ATXN7L1: variants seen among roughly 807,000 people sequenced by gnomAD.
ATXN7L1 encodes the protein ataxin-7-like protein 1.
In ATXN7L1, 15 loss-of-function variants were observed where a neutral mutation model predicts 70.8. The ratio of observed to expected loss-of-function variants is 0.21; its 90% CI spans 0.14 to 0.33. ATXN7L1 has a LOEUF of 0.33. Ranked by LOEUF, ATXN7L1 falls within the 10% of genes least tolerant of loss-of-function variation. The probability of loss-of-function intolerance (pLI) is 1.00; values close to 1 mark genes in which losing one functional copy is unlikely to be tolerated. For missense variants in ATXN7L1, 975 were observed against 1,097.1 expected, an observed-to-expected ratio of 0.89 and a Z score of 1.57; for synonymous variants, 440 against 445.1, an observed-to-expected ratio of 0.99 and a Z score of 0.14.
intron 2 of ATXN7L1, among the ~76,000 whole-genome samples, chr7:105,866,390 T>C (rs1356925424): frequency 1.3e-5 from 2 of 152,166 alleles, no homozygotes; most frequent in Non-Finnish European, 2.9e-5. Flanking sequence ...GCAAGCAGAA[T>C]TGTGTTGAGA....
intron 2 of ATXN7L1, among the ~76,000 whole-genome samples, chr7:105,844,513 T>C (rs1813685819): frequency 6.6e-6 from 1 of 152,196 alleles, no homozygotes; most frequent in Non-Finnish European, 1.5e-5. Flanking sequence ...GAAAATGCAT[T>C]TGACAAATCC....
At chr7:105,859,784 T>G (rs1461056095) in intron 2 of ATXN7L1, among the ~76,000 whole-genome samples, 2 of 1,138 alleles carry the variant, frequency 1.8e-3, no homozygotes, top group South Asian at 0.024. Flanking sequence ...CTTTCTTTCT[T>G]TTTTTTTTTT....
chr7:105,618,533 C>G (rs141101877), intron 9 of ATXN7L1, among the ~76,000 whole-genome samples: 1 of 152,136 alleles, frequency 6.6e-6, no homozygotes, highest in Non-Finnish European at 1.5e-5. Context: ...GCTCTTTAGG[C>G]TTCCAGAAAG....
intron 3 of ATXN7L1, among the ~76,000 whole-genome samples, chr7:105,703,490 A>G (rs1261929803): frequency 6.6e-6 from 1 of 152,212 alleles, no homozygotes; most frequent in African/African-American, 2.4e-5. Flanking sequence ...TCTGTTATCC[A>G]TATTTGGTCC....
intron 3 of ATXN7L1, among the ~76,000 whole-genome samples, chr7:105,754,508 G>A (rs1480691766): frequency 6.6e-6 from 1 of 151,978 alleles, no homozygotes; most frequent in East Asian, 1.9e-4. Context: ...GTAGTACAGT[G>A]GTGAGCGTAG....
intron 3 of ATXN7L1, among the ~76,000 whole-genome samples, chr7:105,720,559 C>T (rs1375659084): frequency 2.0e-5 from 3 of 152,190 alleles, no homozygotes; most frequent in African/African-American, 7.2e-5. Flanking sequence ...GTTGGGACTA[C>T]AGGCATGTGC....
intron 2 of ATXN7L1, among the ~76,000 whole-genome samples, chr7:105,806,022 G>A (rs991359288): frequency 3.9e-5 from 6 of 152,268 alleles, no homozygotes; most frequent in African/African-American, 1.4e-4. Context: ...CAGGGTCTGG[G>A]GCTGCAGGGA....
intron 3 of ATXN7L1, among the ~76,000 whole-genome samples, chr7:105,692,149 CAG>C (rs1790963608): frequency 6.6e-6 from 1 of 151,448 alleles, no homozygotes; most frequent in Non-Finnish European, 1.5e-5. Context: ...GGGTAGTTTT[CAG>C]AGAGAACTGG....
In ATXN7L1 at chr7:105,752,696, G is replaced by A. The variant is rs563292908; in HGVS notation, c.355+35908C>T. Among the ~76,000 whole-genome samples the A allele has an allele frequency of 1.5e-4, 23 of 152,236 alleles. No individual in the cohort carries two copies. In the South Asian group the frequency reaches 3.9e-3, roughly 26 times the overall value. ...AGATAAATTCTACACTTTTTTCATC[G>A]CAAGAAGAGCATAAAAAGGTCTGGT... On this transcript the variant is annotated intron_variant, in intron 3 of 11. Transcript: ENST00000419735.
chr7:105,615,334 G>A (rs1406049130), intron 9 of ATXN7L1, among the ~76,000 whole-genome samples: 2 of 152,144 alleles, frequency 1.3e-5, no homozygotes, highest in Non-Finnish European at 2.9e-5. Flanking sequence ...AGAGACTCTC[G>A]GGGCTTTCCC....
intron 3 of ATXN7L1, among the ~76,000 whole-genome samples, chr7:105,775,488 G>C (rs1438829170): frequency 6.6e-6 from 1 of 152,212 alleles, no homozygotes; most frequent in Non-Finnish European, 1.5e-5. Context: ...CGTGATCCCA[G>C]ATGAAGACAT....
chr7:105,662,254 CACCA>C (rs1242534704), intron 4 of ATXN7L1, among the ~76,000 whole-genome samples: 1 of 151,972 alleles, frequency 6.6e-6, no homozygotes, highest in Non-Finnish European at 1.5e-5. Flanking sequence ...AGGTGTGTGC[CACCA>C]CGCCTGGCTA....
At chr7:105,776,204 G>A (rs541954346) in intron 3 of ATXN7L1, among the ~76,000 whole-genome samples, 2 of 152,326 alleles carry the variant, frequency 1.3e-5, no homozygotes, top group Non-Finnish European at 2.9e-5. Flanking sequence ...CACCAGTGAT[G>A]AGTCAGAAGC....
intron 3 of ATXN7L1, among the ~76,000 whole-genome samples, chr7:105,683,420 C>T (rs1805786152): frequency 6.6e-6 from 1 of 152,262 alleles, no homozygotes; most frequent in Admixed American, 6.5e-5. Context: ...TGGGTCATGC[C>T]TATAACCCCA....
chr7:105,631,936 A>G (rs1316447160), intron 7 of ATXN7L1, among the ~76,000 whole-genome samples: 1 of 152,208 alleles, frequency 6.6e-6, no homozygotes, highest in African/African-American at 2.4e-5. Context: ...CAGATTGCCT[A>G]TTGCCAGGCA....
At chr7:105,875,955 G>T in intron 1 of ATXN7L1, 75 bp from the exon 2 acceptor site, 1 of 1,285,776 alleles carries the variant, frequency 7.8e-7, no homozygotes, top group Non-Finnish European at 1.1e-6. Context: ...AAGGGGGGAG[G>T]GAGAGTGTTT....
chr7:105,821,414 CCTG>C (rs1810143238), intron 2 of ATXN7L1, among the ~76,000 whole-genome samples: 1 of 152,170 alleles, frequency 6.6e-6, no homozygotes, highest in African/African-American at 2.4e-5. Flanking sequence ...CTAACACACA[CCTG>C]CTGCTGCTGC....
chr7:105,790,532 G>C (rs929098924), intron 2 of ATXN7L1, among the ~76,000 whole-genome samples: 2 of 152,046 alleles, frequency 1.3e-5, no homozygotes, highest in Non-Finnish European at 2.9e-5. Context: ...AGTGAGCCAT[G>C]ATCACACCAC....
At chr7:105,742,801 G>A (rs1584898208) in intron 3 of ATXN7L1, among the ~76,000 whole-genome samples, 1 of 151,998 alleles carries the variant, frequency 6.6e-6, no homozygotes, top group Non-Finnish European at 1.5e-5. Context: ...ACATAAGATG[G>A]CCAGCCATTA....
Sources: allele counts gnomAD v4.1 joint callset (sites outside exome capture counted in the v4.1 genomes callset), GRCh38; gene constraint gnomAD v4.1.1; transcripts MANE v1.5; gene names NCBI Gene and HGNC (gene_info 2026-07-23, HGNC 2026-07-21).